Variants in ANOS1 observed in about 807,000 individuals in gnomAD.
ANOS1 encodes anosmin 1, also known as anosmin-1.
Under a neutral mutation model 59.0 loss-of-function variants are expected in ANOS1, and 6 were observed. The observed-to-expected ratio is 0.10, with a 90% CI of 0.06 to 0.20. The LOEUF (loss-of-function observed/expected upper bound fraction) is 0.20, where lower values mean the gene tolerates loss of function less well. Among genes scored for constraint, ANOS1 ranks in the 10% least tolerant of loss-of-function variants. The probability of loss-of-function intolerance (pLI) is 1.00; values close to 1 mark genes in which losing one functional copy is unlikely to be tolerated. For synonymous variants in ANOS1, 217 were observed against 223.4 expected (o/e 0.97, Z 0.25); for missense variants, 433 against 542.3 (o/e 0.80, Z 2.00).
Position 8,529,070 on chromosome X carries a change from T to C in ANOS1, c.*3925A>G, listed in dbSNP as rs1293822573. On this transcript the variant is annotated 3_prime_UTR_variant, in exon 14 of 14. Coordinates refer to ENST00000262648, the MANE Select transcript of ANOS1 (RefSeq NM_000216.4). ...TTTTTATTACATACATAAATAAATA[T>C]TGACTTTAAATGACCACTGTAAGGG... 1.8e-5 allele frequency: 2 copies of C among 112,236 alleles called. No individual in the cohort carries two copies. The highest frequency in any genetic ancestry group is 6.5e-5 in the African/African-American group (2 of 30,891). 9.2% of individuals were successfully genotyped at this position (112,236 alleles called of 1,213,427 possible).
intron 8 of ANOS1, among the ~76,000 whole-genome samples, chrX:8,567,708 C>T (rs1431204639): frequency 1.8e-5 from 2 of 110,856 alleles, no homozygotes; most frequent in African/African-American, 3.3e-5. Flanking sequence ...GCAGGAGAAC[C>T]GCTTGAACCC....
chrX:8,657,210 G>A (rs1050456365), intron 2 of ANOS1, among the ~76,000 whole-genome samples: 12 of 112,587 alleles, frequency 1.1e-4, no homozygotes, highest in African/African-American at 3.2e-4. Flanking sequence ...CCTACCATGT[G>A]TGGAAATGCA....
intron 2 of ANOS1, among the ~76,000 whole-genome samples, chrX:8,630,403 C>T (rs775574408): frequency 1.5e-4 from 17 of 111,145 alleles, no homozygotes; most frequent in African/African-American, 5.2e-4. Context: ...GCACTACAGC[C>T]TGGGTGACAG....
Position 8,645,426 on chromosome X carries a change from A to AAC in ANOS1, c.256-21758_256-21757dup, listed in dbSNP as rs1398359472. Among the ~76,000 whole-genome samples the AAC allele has an allele frequency of 3.6e-5, 4 of 111,724 alleles. No individual in the cohort carries two copies. The East Asian group carries it at 1.1e-3, about 32-fold the overall frequency. On this transcript the variant is annotated intron_variant, in intron 2 of 13. Coordinates refer to ENST00000262648, the MANE Select transcript of ANOS1 (RefSeq NM_000216.4). ...GTGGCCCCTCAGACCCCAGGCTCAA[A>AAC]ACACACACACCTTTCAGTCAACCTG...
intron 4 of ANOS1, among the ~76,000 whole-genome samples, chrX:8,596,430 C>G (rs1401741517): frequency 1.8e-5 from 2 of 111,914 alleles, no homozygotes; most frequent in Non-Finnish European, 3.8e-5. Flanking sequence ...AAATGATCAG[C>G]AGCACTCGAT....
At chrX:8,726,265 T>C in intron 1 of ANOS1, among the ~76,000 whole-genome samples, 1 of 111,637 alleles carries the variant, frequency 9.0e-6, no homozygotes, top group South Asian at 3.8e-4. Context: ...ATTCTCCTTT[T>C]TGCCAAAACA....
chrX:8,529,283 C>G lies in ANOS1; in HGVS notation c.*3712G>C, dbSNP rs16985029. ...TGAGAATCCTCTCCGTACCTGACAC[C>G]GAGTCTGACCATGCAAAATCACAGG... On this transcript the variant is annotated 3_prime_UTR_variant, in exon 14 of 14. Transcript: ENST00000262648. 9.0e-6 allele frequency: 1 copy of G among 111,635 alleles called. No individual in the cohort carries two copies. Among genetic ancestry groups the G allele is most frequent in the African/African-American group, 3.3e-5 (1 of 30,662 alleles). The allele number at this position is 111,635 out of a possible 1,213,427, so 9.2% of individuals were successfully genotyped here. A position where few individuals can be genotyped will look rare whatever the true frequency, so the allele number is the denominator to read the frequency against.
intron 1 of ANOS1, among the ~76,000 whole-genome samples, chrX:8,724,930 T>G (rs905483765): frequency 3.6e-5 from 4 of 111,623 alleles, no homozygotes; most frequent in African/African-American, 1.3e-4. Context: ...AACTAGGTCA[T>G]ACTTAATAAA....
At chrX:8,643,915 C>T (rs983679178) in intron 2 of ANOS1, among the ~76,000 whole-genome samples, 6 of 111,280 alleles carry the variant, frequency 5.4e-5, no homozygotes, top group Admixed American at 9.6e-5. Flanking sequence ...CCCCCAACCC[C>T]GCCTCCACTT....
At chrX:8,631,674 T>G (rs1242897087) in intron 2 of ANOS1, among the ~76,000 whole-genome samples, 1 of 111,778 alleles carries the variant, frequency 8.9e-6, no homozygotes, top group East Asian at 2.8e-4. Context: ...TCAGGATGAT[T>G]GAAGATGTAG....
At position 8,568,433 on chromosome X, in the gene ANOS1, T is replaced by C. The variant is rs1478376144; in HGVS notation, c.1063-57A>G. 2.8e-6 allele frequency: 3 copies of C among 1,066,172 alleles called. No homozygotes were observed. The Admixed American group carries it at 6.6e-5, about 24-fold the overall frequency. 87.9% of individuals were successfully genotyped at this position (1,066,172 alleles called of 1,213,427 possible). ...TTACAAACCTTCCACGTCTCTCATC[T>C]TCATTGCAAAATCTCGTGTGTCATT... is the stretch of plus-strand genomic sequence containing the variant. On this transcript the variant is annotated intron_variant, in intron 7 of 13. Coordinates refer to ENST00000262648, the MANE Select transcript of ANOS1 (RefSeq NM_000216.4).
chrX:8,588,241 G>C (rs1271119676), intron 4 of ANOS1, among the ~76,000 whole-genome samples: 1 of 110,843 alleles, frequency 9.0e-6, no homozygotes, highest in Non-Finnish European at 1.9e-5. Flanking sequence ...TCTGTAACAA[G>C]TGGCTTATTC....
At chrX:8,665,581 A>G (rs1405359032) in intron 2 of ANOS1, among the ~76,000 whole-genome samples, 1 of 112,278 alleles carries the variant, frequency 8.9e-6, no homozygotes, top group Admixed American at 9.4e-5. Flanking sequence ...TGCTTTTCTC[A>G]TGCTCATAAA....
chrX:8,644,903 A>T (rs968357505), intron 2 of ANOS1, among the ~76,000 whole-genome samples: 1 of 112,198 alleles, frequency 8.9e-6, no homozygotes, highest in Non-Finnish European at 1.9e-5. Flanking sequence ...CCATGTATTC[A>T]TTTACATCTT....
chrX:8,605,308 T>C (rs950994869), intron 3 of ANOS1, among the ~76,000 whole-genome samples: 9 of 110,487 alleles, frequency 8.1e-5, no homozygotes, highest in African/African-American at 2.6e-4. Context: ...ATGAATTCAA[T>C]ACAAGAGCAT....
intron 1 of ANOS1, among the ~76,000 whole-genome samples, chrX:8,730,581 C>T (rs1932963977): frequency 4.8e-5 from 1 of 20,991 alleles, no homozygotes. Context: ...TCTAGGGGGA[C>T]CCCCCCCCCC....
At position 8,667,152 on chromosome X, in the gene ANOS1, T is replaced by C. The variant is rs750283055; in HGVS notation, c.255+32546A>G. On this transcript the variant is annotated intron_variant, in intron 2 of 13. Transcript: ENST00000262648. ...TCAGGTGCTCAGAGCTGCTGAAATT[T>C]CTCCTTAAAATTCTAGCACCACAAC... Among the ~76,000 whole-genome samples, 161 of 111,759 alleles carry C rather than the reference T, an allele frequency of 1.4e-3. 2 individuals carry two copies. Among genetic ancestry groups the C allele is most frequent in the South Asian group, 4.8e-3 (13 of 2,694 alleles).
chrX:8,543,396 A>G (rs1929717621), intron 9 of ANOS1, among the ~76,000 whole-genome samples: 1 of 108,463 alleles, frequency 9.2e-6, no homozygotes, highest in African/African-American at 3.4e-5. Context: ...GCCCACACTC[A>G]TTTATGTGAG....
chrX:8,543,085 G>A (rs1177079533), intron 9 of ANOS1, among the ~76,000 whole-genome samples: 1 of 106,295 alleles, frequency 9.4e-6, no homozygotes, highest in Non-Finnish European at 1.9e-5. Context: ...TGTCACTGTT[G>A]CATAAACAAA....
Sources: allele counts gnomAD v4.1 joint callset (sites outside exome capture counted in the v4.1 genomes callset), GRCh38; gene constraint gnomAD v4.1.1; transcripts MANE v1.5; gene names NCBI Gene and HGNC (gene_info 2026-07-23, HGNC 2026-07-21).